Variants in FRMPD4 observed in about 807,000 individuals in gnomAD.
The protein encoded by FRMPD4 is FERM and PDZ domain-containing protein 4.
Under a neutral mutation model 94.1 loss-of-function variants are expected in FRMPD4, and 22 were observed. The ratio of observed to expected loss-of-function variants is 0.23; its 90% CI spans 0.17 to 0.33. The LOEUF (loss-of-function observed/expected upper bound fraction) is 0.33, where lower values mean the gene tolerates loss of function less well. Among genes scored for constraint, FRMPD4 ranks in the 10% least tolerant of loss-of-function variants. The pLI, the probability that FRMPD4 is intolerant of heterozygous loss-of-function variation, is 1.00. For missense variants in FRMPD4, 1,111 were observed against 1,339.9 expected, an observed-to-expected ratio of 0.83 and a Z score of 2.67; for synonymous variants, 631 against 548.6, an observed-to-expected ratio of 1.15 and a Z score of -2.10.
chrX:12,233,660 G>T, intron 1 of FRMPD4, among the ~76,000 whole-genome samples: 1 of 111,897 alleles, frequency 8.9e-6, no homozygotes, highest in Admixed American at 9.5e-5. Context: ...AATGTGTGCA[G>T]TGGGTAGGAA....
chrX:12,064,487 C>T (rs1309914733), intron 3 of FRMPD4, among the ~76,000 whole-genome samples: 1 of 111,811 alleles, frequency 8.9e-6, no homozygotes, highest in African/African-American at 3.3e-5. Flanking sequence ...TTAAGCCTGG[C>T]AGACATTTGG....
chrX:12,494,741 G>A (rs764086832), intron 1 of FRMPD4, among the ~76,000 whole-genome samples: 11 of 111,757 alleles, frequency 9.8e-5, no homozygotes, highest in Non-Finnish European at 1.9e-4. Flanking sequence ...AACTTTGTCT[G>A]TACCATTCAT....
chrX:12,193,977 A>T (rs777689952), intron 1 of FRMPD4, among the ~76,000 whole-genome samples: 1 of 108,924 alleles, frequency 9.2e-6, no homozygotes, highest in East Asian at 2.9e-4. Flanking sequence ...TACCTGCCTG[A>T]AGAGTTCTCT....
At chrX:12,708,798 C>G (rs528049711) in intron 13 of FRMPD4, 1 of 112,558 alleles carries the variant, frequency 8.9e-6, no homozygotes, top group Admixed American at 9.4e-5. Context: ...TGTGGCAAAG[C>G]GTTTCTACAA....
At chrX:12,329,720 G>A (rs2055341454) in intron 1 of FRMPD4, among the ~76,000 whole-genome samples, 1 of 109,283 alleles carries the variant, frequency 9.2e-6, no homozygotes, top group African/African-American at 3.3e-5. Flanking sequence ...CTTGGCTTGG[G>A]GAGAGTTCAG....
rs150594986 is a variant in FRMPD4, at chrX:12,235,922, G to A, written c.41+96910G>A. Among the ~76,000 whole-genome samples, 705 of 111,676 alleles carry A rather than the reference G, an allele frequency of 6.3e-3. 9 individuals carry two copies. Among genetic ancestry groups the A allele is most frequent in the African/African-American group, 0.022 (670 of 30,726 alleles). ...TCGTAGGGATGCTGTGAAGTTCAGT[G>A]ATGTACATGTAGCTCTTGGCACATG... is the stretch of plus-strand genomic sequence containing the variant. On this transcript the variant is annotated intron_variant, in intron 1 of 16. Transcript: ENST00000675598.
intron 3 of FRMPD4, among the ~76,000 whole-genome samples, chrX:12,073,167 C>G (rs976300210): frequency 7.2e-5 from 8 of 111,136 alleles, no homozygotes; most frequent in African/African-American, 2.6e-4. Context: ...CTTCCAGTTT[C>G]TTTTAATATA....
At chrX:12,511,733 C>CA (rs1441630356) in intron 2 of FRMPD4, among the ~76,000 whole-genome samples, 1 of 106,662 alleles carries the variant, frequency 9.4e-6, no homozygotes, top group East Asian at 2.9e-4. Context: ...TTTGAACCAA[C>CA]AATGGCCAAA....
At chrX:12,023,206 CA>C (rs2054641096) in intron 3 of FRMPD4, among the ~76,000 whole-genome samples, 1 of 111,507 alleles carries the variant, frequency 9.0e-6, no homozygotes, top group Non-Finnish European at 1.9e-5. Flanking sequence ...AGACACTCAC[CA>C]GACTCCCATC....
intron 1 of FRMPD4, among the ~76,000 whole-genome samples, chrX:12,440,478 A>G (rs2057122644): frequency 9.0e-6 from 1 of 111,679 alleles, no homozygotes; most frequent in Non-Finnish European, 1.9e-5. Context: ...CTGATCCTGC[A>G]GGGAGCTCTG....
intron 3 of FRMPD4, among the ~76,000 whole-genome samples, chrX:11,920,449 G>A (rs1044712121): frequency 9.0e-6 from 1 of 111,456 alleles, no homozygotes; most frequent in Non-Finnish European, 1.9e-5. Flanking sequence ...TCTTCTGTAC[G>A]GTCATTAGTC....
chrX:11,977,482 G>A (rs1006689859), intron 3 of FRMPD4, among the ~76,000 whole-genome samples: 8 of 112,560 alleles, frequency 7.1e-5, no homozygotes, highest in East Asian at 2.8e-4. Context: ...TGAGAAGAGA[G>A]TGTTGATGAA....
intron 1 of FRMPD4, among the ~76,000 whole-genome samples, chrX:12,270,430 G>A (rs1398546899): frequency 9.0e-6 from 1 of 111,471 alleles, no homozygotes; most frequent in African/African-American, 3.3e-5. Context: ...TTAGGGAATT[G>A]CAAGAGGGGA....
chrX:11,833,503 A>G (rs966133160), intron 1 of FRMPD4, among the ~76,000 whole-genome samples: 2 of 111,928 alleles, frequency 1.8e-5, no homozygotes, highest in Admixed American at 1.9e-4. Context: ...CGTCACCAGT[A>G]TTTGATTTTG....
At chrX:12,113,698 C>T (rs1203565264) in intron 3 of FRMPD4, among the ~76,000 whole-genome samples, 1 of 112,216 alleles carries the variant, frequency 8.9e-6, no homozygotes, top group Non-Finnish European at 1.9e-5. Context: ...AAAGTCCTTT[C>T]GCCATGTAAG....
At chrX:12,565,390 G>A (rs1278819784) in intron 2 of FRMPD4, among the ~76,000 whole-genome samples, 2 of 111,651 alleles carry the variant, frequency 1.8e-5, no homozygotes, top group East Asian at 5.6e-4. Context: ...ACCTTAGCCA[G>A]GGATCAAAGT....
chrX:12,642,423 G>T (rs1209264095), intron 4 of FRMPD4, among the ~76,000 whole-genome samples: 1 of 111,824 alleles, frequency 8.9e-6, no homozygotes, highest in African/African-American at 3.3e-5. Context: ...AGCTTAGAGT[G>T]CTTTGGGGAG....
chrX:12,011,219 A>G (rs1456730015), intron 3 of FRMPD4, among the ~76,000 whole-genome samples: 1 of 111,913 alleles, frequency 8.9e-6, no homozygotes, highest in Non-Finnish European at 1.9e-5. Context: ...AATCATCCCC[A>G]GGGGTGGTTT....
intron 1 of FRMPD4, among the ~76,000 whole-genome samples, chrX:12,266,861 T>C (rs748511982): frequency 1.8e-5 from 2 of 112,063 alleles, no homozygotes; most frequent in Non-Finnish European, 3.8e-5. Flanking sequence ...CAGATGCTCC[T>C]CGAGTTATGA....
Sources: allele counts gnomAD v4.1 joint callset (sites outside exome capture counted in the v4.1 genomes callset), GRCh38; gene constraint gnomAD v4.1.1; transcripts MANE v1.5; gene names NCBI Gene and HGNC (gene_info 2026-07-23, HGNC 2026-07-21).